Variants in SOX6 observed in about 807,000 individuals in gnomAD.
SOX6 encodes the protein SRY-box transcription factor 6.
In SOX6, 11 loss-of-function variants were observed where a neutral mutation model predicts 97.8. The observed-to-expected ratio is 0.11, with a 90% confidence interval of 0.07 to 0.19. The LOEUF (loss-of-function observed/expected upper bound fraction) is 0.19. SOX6 is among the 10% of genes least tolerant of loss of function. SOX6 has a pLI of 1.00. For missense variants in SOX6, 810 were observed against 1,039.5 expected, an observed-to-expected ratio of 0.78 and a Z score of 3.04; for synonymous variants, 360 against 371.4, an observed-to-expected ratio of 0.97 and a Z score of 0.35.
intron 13 of SOX6, among the ~76,000 whole-genome samples, chr11:16,000,803 T>C (rs566143337): frequency 7.9e-5 from 12 of 152,260 alleles, no homozygotes; most frequent in Middle Eastern, 3.4e-3. Flanking sequence ...AATGTACACA[T>C]AAAAAATTCC....
chr11:16,601,558 C>G (rs933955621), intron 4 of SOX6, among the ~76,000 whole-genome samples: 5 of 151,954 alleles, frequency 3.3e-5, no homozygotes, highest in African/African-American at 9.7e-5. Context: ...AGAATGCTTT[C>G]AAACATGGAA....
chr11:16,578,895 GA>G (rs1589993065), intron 4 of SOX6, among the ~76,000 whole-genome samples: 1 of 152,214 alleles, frequency 6.6e-6, no homozygotes, highest in East Asian at 1.9e-4. Context: ...TGAAGACTAA[GA>G]AGACTTTCAT....
At chr11:16,295,046 T>C (rs1433502834) in intron 3 of SOX6, among the ~76,000 whole-genome samples, 2 of 152,094 alleles carry the variant, frequency 1.3e-5, no homozygotes, top group Non-Finnish European at 2.9e-5. Context: ...TATTCATCTA[T>C]GTTAAATTAA....
At chr11:16,477,770 C>A (rs1257920640), upstream of SOX6, among the ~76,000 whole-genome samples, 1 of 152,188 alleles carries the variant, frequency 6.6e-6, no homozygotes, top group African/African-American at 2.4e-5. Flanking sequence ...CAACAGCTAA[C>A]ATACCCATTA....
chr11:16,107,336 A>G (rs1249147104), intron 7 of SOX6, among the ~76,000 whole-genome samples: 1 of 149,498 alleles, frequency 6.7e-6, no homozygotes, highest in Non-Finnish European at 1.5e-5. Context: ...GTAGAAACAA[A>G]CTAAGTGCCT....
chr11:16,570,715 AG>A (rs1847929794), intron 4 of SOX6, among the ~76,000 whole-genome samples: 1 of 152,196 alleles, frequency 6.6e-6, no homozygotes, highest in African/African-American at 2.4e-5. Context: ...CATATGAAAA[AG>A]ATCAACATTC....
intron 1 of SOX6, among the ~76,000 whole-genome samples, chr11:16,427,800 G>A (rs1859178659): frequency 6.6e-6 from 1 of 152,202 alleles, no homozygotes; most frequent in Non-Finnish European, 1.5e-5. Flanking sequence ...ATGTGTGCAT[G>A]TGTCTTTATA....
chr11:16,537,658 C>A (rs964047343), intron 4 of SOX6, among the ~76,000 whole-genome samples: 1 of 152,168 alleles, frequency 6.6e-6, no homozygotes, highest in African/African-American at 2.4e-5. Context: ...AAAACCACAG[C>A]ATGAGAATTG....
chr11:16,062,215 T>A (rs1392260877), intron 9 of SOX6, among the ~76,000 whole-genome samples: 1 of 151,616 alleles, frequency 6.6e-6, no homozygotes, highest in African/African-American at 2.4e-5. Flanking sequence ...CTCAGTCTAG[T>A]TATTAACACA....
intron 1 of SOX6, among the ~76,000 whole-genome samples, chr11:16,475,524 G>T (rs1860226277): frequency 6.6e-6 from 1 of 152,278 alleles, no homozygotes; most frequent in South Asian, 2.1e-4. Context: ...TGGAAGAACA[G>T]CCAGTTGGTG....
At chr11:16,462,620 A>T (rs1474125070) in intron 1 of SOX6, among the ~76,000 whole-genome samples, 1 of 152,260 alleles carries the variant, frequency 6.6e-6, no homozygotes, top group East Asian at 1.9e-4. Flanking sequence ...AATTGTATTT[A>T]TTAATAACAA....
In SOX6 at chr11:16,066,796, C is replaced by G. The variant is rs1292702954; in HGVS notation, c.1102-10895G>C. ...GGCAGGTAAGGATGGTTCATAGGTA[C>G]AGATAAATAGAAAGAATGGATAAGA... is the stretch of plus-strand genomic sequence containing the variant. On this transcript the variant is annotated intron_variant, in intron 9 of 15. Coordinates refer to ENST00000683767, the MANE Select transcript of SOX6 (RefSeq NM_001367873.1). Among the ~76,000 whole-genome samples the G allele has an allele frequency of 6.6e-4, 101 of 152,192 alleles. 1 individual carries two copies. Among genetic ancestry groups the G allele is most frequent in the Non-Finnish European group, 7.4e-5 (5 of 67,988 alleles).
chr11:16,291,788 T>C (rs190696134), intron 3 of SOX6, among the ~76,000 whole-genome samples: 45 of 152,226 alleles, frequency 3.0e-4, no homozygotes, highest in African/African-American at 1.0e-3. Context: ...TGTGTATTTG[T>C]TGGTATTAAT....
intron 6 of SOX6, among the ~76,000 whole-genome samples, chr11:16,152,867 AT>A (rs1850494018): frequency 1.3e-5 from 2 of 151,518 alleles, no homozygotes; most frequent in South Asian, 4.2e-4. Context: ...CCAAGCCCTA[AT>A]TTTTTGTTTG....
At chr11:16,588,414 A>G (rs1421574796) in intron 4 of SOX6, among the ~76,000 whole-genome samples, 1 of 152,174 alleles carries the variant, frequency 6.6e-6, no homozygotes. Flanking sequence ...CAGGAAATAT[A>G]CCAACGAGTT....
chr11:16,482,998 T>C (rs1860369651), intron 4 of SOX6, among the ~76,000 whole-genome samples: 1 of 152,208 alleles, frequency 6.6e-6, no homozygotes, highest in Non-Finnish European at 1.5e-5. Context: ...AAAATTGCTA[T>C]GCATCCTCAA....
At chr11:16,299,081 C>G (rs1171112909) in intron 3 of SOX6, among the ~76,000 whole-genome samples, 1 of 152,060 alleles carries the variant, frequency 6.6e-6, no homozygotes, top group Non-Finnish European at 1.5e-5. Context: ...TTAACACTAG[C>G]TGGTATATAT....
At chr11:16,090,061 A>G (rs1848651981) in intron 9 of SOX6, among the ~76,000 whole-genome samples, 1 of 152,134 alleles carries the variant, frequency 6.6e-6, no homozygotes, top group Non-Finnish European at 1.5e-5. Flanking sequence ...TCAGTTTGGT[A>G]AAACAGGAAT....
chr11:16,249,192 T>C (rs1192557833), intron 3 of SOX6, among the ~76,000 whole-genome samples: 1 of 152,212 alleles, frequency 6.6e-6, no homozygotes, highest in Non-Finnish European at 1.5e-5. Flanking sequence ...AATGGGTTTT[T>C]CTTTTCTATC....
Sources: allele counts gnomAD v4.1 joint callset (sites outside exome capture counted in the v4.1 genomes callset), GRCh38; gene constraint gnomAD v4.1.1; transcripts MANE v1.5; gene names NCBI Gene and HGNC (gene_info 2026-07-23, HGNC 2026-07-21).